Variants in NCF2 observed in about 807,000 individuals in gnomAD.
NCF2 encodes the protein neutrophil cytosolic factor 2.
NCF2 carries 45 observed loss-of-function variants against 70.9 expected under a neutral mutation model. That is an observed-to-expected ratio of 0.63 (90% CI 0.50 to 0.81). The LOEUF is 0.81. Among genes scored for constraint, NCF2 ranks in the 40% least tolerant of loss-of-function variants. NCF2 has a pLI of 0.00. For synonymous variants in NCF2, 203 were observed against 233.6 expected, an observed-to-expected ratio of 0.87 and a Z score of 1.19; for missense variants, 522 against 631.6, an observed-to-expected ratio of 0.83 and a Z score of 1.86.
chr1:183,563,376 C>T lies in NCF2; in HGVS notation c.1178+58G>A, dbSNP rs540801897. 1.2e-5 allele frequency: 20 copies of T among 1,614,012 alleles called. No homozygotes were observed. The African/African-American group carries it at 1.6e-4, about 13-fold the overall frequency. ...ACAAAAACCATCCTCCTCTTCCCTC[C>T]TCCAGGCCAGCACAAGGTTCCCACT... On this transcript the variant is annotated intron_variant, in intron 12 of 14. Coordinates refer to ENST00000367535, the MANE Select transcript of NCF2 (RefSeq NM_000433.4).
intron 1 of NCF2, among the ~76,000 whole-genome samples, chr1:183,589,118 T>G (rs1289720429): frequency 6.6e-6 from 1 of 152,198 alleles, no homozygotes; most frequent in Non-Finnish European, 1.5e-5. Flanking sequence ...GTGAGAACAT[T>G]TCAGTCACTT....
upstream of NCF2, chr1:183,590,969 C>T (rs1170556121): frequency 6.3e-6 from 1 of 159,228 alleles, no homozygotes; most frequent in Non-Finnish European, 1.4e-5. Context: ...TGACTAATGC[C>T]TTTTAACCAA....
At chr1:183,561,370 T>C (rs1672040252) in intron 13 of NCF2, among the ~76,000 whole-genome samples, 1 of 152,166 alleles carries the variant, frequency 6.6e-6, no homozygotes, top group Non-Finnish European at 1.5e-5. Context: ...AGAGAAAGGT[T>C]TGTATCCCAC....
chr1:183,560,107 AC>A lies in NCF2; in HGVS notation c.1456del (p.Val486CysfsTer5), dbSNP rs1558090427. The A allele has an allele frequency of 1.2e-6, 2 of 1,614,078 alleles. No homozygotes were observed. The highest frequency in any genetic ancestry group is 2.2e-5 in the East Asian group (1 of 44,888). The part of the protein sequence containing the change: ...LEFQEGDIIL[V>X]LSKVNEEWLE... ...GGAGTAGCACTTACCCTTTGATAAC[AC>A]CAGGATTATATCCCCTTCCTGAAAC... On this transcript the variant is annotated frameshift_variant, in exon 14 of 15. Coordinates refer to ENST00000367535, the MANE Select transcript of NCF2 (RefSeq NM_000433.4). LOFTEE classifies it high-confidence loss of function.
chr1:183,599,423 C>CTTCTTTCT, the NCF2 span, among the ~76,000 whole-genome samples: 14,202 of 106,948 alleles, frequency 0.13, 1,146 homozygotes, highest in East Asian at 0.2. Context: ...TCTTTCTTTC[C>CTTCTTTCT]TTCTTTCTTT....
intron 14 of NCF2, among the ~76,000 whole-genome samples, chr1:183,559,219 T>C (rs1043943663): frequency 1.3e-5 from 2 of 151,616 alleles, no homozygotes; most frequent in Non-Finnish European, 2.9e-5. Flanking sequence ...AAGAGGTGGG[T>C]CTTGCTGTGT....
At chr1:183,568,035 C>T (rs557958791) in intron 7 of NCF2, among the ~76,000 whole-genome samples, 1 of 152,096 alleles carries the variant, frequency 6.6e-6, no homozygotes, top group African/African-American at 2.4e-5. Flanking sequence ...TGTTACTTTC[C>T]CCTCGGCCCA....
At chr1:183,568,091 C>T (rs1408110287) in intron 7 of NCF2, among the ~76,000 whole-genome samples, 2 of 152,048 alleles carry the variant, frequency 1.3e-5, no homozygotes, top group Non-Finnish European at 2.9e-5. Context: ...GAATACAGGC[C>T]CTTCCAGCTG....
chr1:183,566,054 T>C (rs972864024), intron 9 of NCF2, among the ~76,000 whole-genome samples: 5 of 152,246 alleles, frequency 3.3e-5, no homozygotes, highest in African/African-American at 9.6e-5. Context: ...TTCAGCCATA[T>C]TGGAAATCCA....
intron 2 of NCF2, 26 bp from the exon 3 acceptor site, chr1:183,577,733 G>A: frequency 6.9e-7 from 1 of 1,451,058 alleles, no homozygotes; most frequent in Non-Finnish European, 9.7e-7. Context: ...AGAAAATACA[G>A]CAGTCTAGTG....
chr1:183,573,363 G>A, intron 4 of NCF2, 71 bp from the exon 5 acceptor site: 1 of 1,297,220 alleles, frequency 7.7e-7, no homozygotes, highest in Non-Finnish European at 1.1e-6. Context: ...GCCTCCCTCA[G>A]TGAATAGATG....
chr1:183,576,563 T>C (rs1672808915), intron 3 of NCF2, among the ~76,000 whole-genome samples: 1 of 152,188 alleles, frequency 6.6e-6, no homozygotes, highest in Non-Finnish European at 1.5e-5. Flanking sequence ...TCTGCTACAA[T>C]ACAAGATTGT....
chr1:183,600,599 T>C, the NCF2 span, among the ~76,000 whole-genome samples: 1 of 152,088 alleles, frequency 6.6e-6, no homozygotes, highest in South Asian at 2.1e-4. Context: ...GTCTAGAAAG[T>C]CTTTATTTCA....
chr1:183,586,137 C>T (rs1673337828), intron 2 of NCF2, among the ~76,000 whole-genome samples: 2 of 152,302 alleles, frequency 1.3e-5, no homozygotes, highest in South Asian at 4.1e-4. Flanking sequence ...GAGTTCAAGA[C>T]CAGCCTGACC....
At chr1:183,567,500 C>T in intron 7 of NCF2, 155 bp from the exon 8 acceptor site, 1 of 1,033,734 alleles carries the variant, frequency 9.7e-7, no homozygotes, top group Non-Finnish European at 1.5e-6. Context: ...GCCTGGGCTC[C>T]CAAGAGGTCT....
intron 2 of NCF2, among the ~76,000 whole-genome samples, chr1:183,582,930 AT>A (rs1433637107): frequency 6.6e-6 from 1 of 151,904 alleles, no homozygotes; most frequent in Non-Finnish European, 1.5e-5. Flanking sequence ...TTGGAACTTT[AT>A]AATGACGGAA....
intron 1 of NCF2, 46 bp from the exon 2 acceptor site, chr1:183,587,023 G>A (rs1414608815): frequency 6.4e-7 from 1 of 1,557,746 alleles, no homozygotes; most frequent in East Asian, 2.2e-5. Context: ...AAGGCAGTGA[G>A]GAGGTGTGAG....
At chr1:183,599,242 G>A in the NCF2 span, among the ~76,000 whole-genome samples, 3 of 152,244 alleles carry the variant, frequency 2.0e-5, no homozygotes, top group Middle Eastern at 6.8e-3. Context: ...TTAGCTGGGT[G>A]TCAAGGTGAG....
chr1:183,594,573 A>G (rs1365776905), upstream of NCF2, among the ~76,000 whole-genome samples: 1 of 152,240 alleles, frequency 6.6e-6, no homozygotes, highest in Non-Finnish European at 1.5e-5. Flanking sequence ...GATTCTCGGT[A>G]CCTAGTACAG....
Sources: gnomAD v4.1 joint callset for allele counts (sites outside exome capture counted in the v4.1 genomes callset) on GRCh38, gnomAD v4.1.1 for gene constraint, MANE v1.5 for transcripts, NCBI Gene and HGNC (gene_info 2026-07-23, HGNC 2026-07-21) for gene names.